Variants in ERCC2 observed in about 807,000 individuals in gnomAD.
ERCC2 encodes general transcription and DNA repair factor IIH helicase subunit XPD.
In ERCC2, 90 loss-of-function variants were observed where a neutral mutation model predicts 99.4. The observed-to-expected ratio is 0.91, with a 90% CI of 0.76 to 1.08. The LOEUF is 1.08. Ranked by LOEUF, ERCC2 falls within the 50% of genes least tolerant of loss-of-function variation. The probability of loss-of-function intolerance (pLI) is 0.00; values close to 1 mark genes in which losing one functional copy is unlikely to be tolerated. For missense variants in ERCC2, 993 were observed against 1,038.1 expected (o/e 0.96, Z 0.60); for synonymous variants, 497 against 432.4 (o/e 1.15, Z -1.85).
chr19:45,369,881 G>A (rs1031266304), intron 2 of ERCC2, among the ~76,000 whole-genome samples: 1 of 152,142 alleles, frequency 6.6e-6, no homozygotes, highest in Non-Finnish European at 1.5e-5. Context: ...TCACCGTGTT[G>A]GCCAGGCTGG....
rs1210647441 is a variant in ERCC2 at position 45,364,127 on chromosome 19, G to C, written c.816-8C>G. ...TCGTCTGTCTCTTTGATCCTGCGGA[G>C]AGATGAGCTGGGGCTGGGAGGGGGC... On this transcript the variant is annotated splice_region_variant and splice_polypyrimidine_tract_variant and intron_variant, in intron 9 of 22. Coordinates refer to ENST00000391945, the MANE Select transcript of ERCC2 (RefSeq NM_000400.4). 5 of 1,611,628 alleles carry C rather than the reference G, an allele frequency of 3.1e-6. No individual in the cohort carries two copies. Among genetic ancestry groups the C allele is most frequent in the Non-Finnish European group, 4.2e-6 (5 of 1,179,362 alleles).
At position 45,350,824 on chromosome 19, in the gene ERCC2, G is replaced by A. The variant is rs1599718658; in HGVS notation, c.*805C>T. 1 of 1,039,254 alleles carries A rather than the reference G, an allele frequency of 9.6e-7. No individual in the cohort carries two copies. Among genetic ancestry groups the A allele is most frequent in the Non-Finnish European group, 1.4e-6 (1 of 728,602 alleles). 64.4% of individuals were successfully genotyped at this position (1,039,254 alleles called of 1,614,324 possible). On this transcript the variant is annotated 3_prime_UTR_variant, in exon 23 of 23. Transcript: ENST00000391945. The stretch of plus-strand genomic sequence containing the variant: ...CCCACCCCACCCCCACCCCCATCTT[G>A]CTCAAGAACCTTCCATGGCTCCCAT...
rs371604056 is a variant in ERCC2 at position 45,351,280 on chromosome 19, C to T, written c.*349G>A. On this transcript the variant is annotated 3_prime_UTR_variant, in exon 23 of 23. Transcript: ENST00000391945. ...CCCTCCAACCATCCCCTGTGCCTGT[C>T]TCCAGTTTCCCAGCTGGCACCTGGA... The T allele has an allele frequency of 1.2e-6, 2 of 1,612,340 alleles. No individual in the cohort carries two copies. The highest frequency in any genetic ancestry group is 2.7e-5 in the African/African-American group (2 of 74,902).
chr19:45,369,815 A>C (rs1032890005), intron 2 of ERCC2, among the ~76,000 whole-genome samples: 3 of 152,042 alleles, frequency 2.0e-5, no homozygotes, highest in Non-Finnish European at 2.9e-5. Context: ...AGGTGGGATT[A>C]CAGGCGCCCG....
At chr19:45,360,134 G>A (rs969930370) in intron 12 of ERCC2, among the ~76,000 whole-genome samples, 9 of 149,578 alleles carry the variant, frequency 6.0e-5, no homozygotes, top group Admixed American at 5.3e-4. Context: ...AGGCTGGAGT[G>A]CAGTGGCACG....
chr19:45,368,845 G>A (rs3916798), intron 4 of ERCC2, 85 bp downstream of exon 4: 51 of 1,576,192 alleles, frequency 3.2e-5, no homozygotes, highest in African/African-American at 6.7e-5. Flanking sequence ...AAACACCCCC[G>A]AAAGCTGGTG....
chr19:45,359,285 T>G (rs974038478), intron 12 of ERCC2, among the ~76,000 whole-genome samples: 11 of 151,950 alleles, frequency 7.2e-5, no homozygotes, highest in African/African-American at 2.4e-4. Context: ...TGGGAAATAG[T>G]GGGTAGAGAA....
chr19:45,351,611 T>TGGCCCCACC lies in ERCC2; in HGVS notation c.*9_*17dup. ...CTCAGGAGTCACCAGGAACCGTTTATGGCCCCACCCGCCCCACTCAGAGCT... is the reference window on the plus strand; with the variant it reads ...CTCAGGAGTCACCAGGAACCGTTTATGGCCCCACCGGCCCCACCCGCCCCACTCAGAGCT... On this transcript the variant is annotated 3_prime_UTR_variant, in exon 23 of 23. Transcript: ENST00000391945. 2 of 1,613,566 alleles carry TGGCCCCACC rather than the reference T, an allele frequency of 1.2e-6. No homozygotes were observed. The highest frequency in any genetic ancestry group is 1.7e-6 in the Non-Finnish European group (2 of 1,179,876).
At chr19:45,355,756 C>T (rs775842750) in intron 15 of ERCC2, 28 bp from the exon 16 acceptor site, 49 of 1,607,142 alleles carry the variant, frequency 3.0e-5, no homozygotes, top group Middle Eastern at 1.6e-4. Flanking sequence ...TCACGATAAG[C>T]GAGGCAGCAG....
chr19:45,370,384 C>T, intron 1 of ERCC2, 152 bp from the exon 2 acceptor site: 2 of 1,506,546 alleles, frequency 1.3e-6, no homozygotes, highest in Non-Finnish European at 1.8e-6. Context: ...CTCAGTGTCT[C>T]CTCGCTATCA....
intron 5 of ERCC2, 76 bp downstream of exon 5, chr19:45,368,554 A>T: frequency 1.1e-6 from 1 of 941,424 alleles, no homozygotes; most frequent in Non-Finnish European, 1.7e-6. Context: ...TGGCCTGGGG[A>T]TCCAGGACTT....
intron 19 of ERCC2, 23 bp from the exon 20 acceptor site, chr19:45,352,839 C>CG: frequency 6.2e-7 from 1 of 1,609,032 alleles, no homozygotes; most frequent in Non-Finnish European, 8.5e-7. Context: ...GGAGAGGGGG[C>CG]GAGGGGGGTT....
intron 12 of ERCC2, chr19:45,358,959 T>G: frequency 1.3e-6 from 1 of 744,556 alleles, no homozygotes; most frequent in South Asian, 1.4e-5. Context: ...CATATTCGGT[T>G]TCACACAGTG....
intron 12 of ERCC2, 21 bp from the exon 13 acceptor site, chr19:45,357,720 G>A (rs776415542): frequency 3.1e-6 from 5 of 1,610,674 alleles, no homozygotes; most frequent in South Asian, 1.1e-5. Flanking sequence ...CAGGCAAGGA[G>A]GGGTGAGATT....
At chr19:45,360,166 T>A (rs952416535) in intron 12 of ERCC2, among the ~76,000 whole-genome samples, 3 of 151,176 alleles carry the variant, frequency 2.0e-5, no homozygotes, top group South Asian at 2.1e-4. Flanking sequence ...CTGCAAGCTC[T>A]GCCTCCTGGG....
intron 5 of ERCC2, among the ~76,000 whole-genome samples, chr19:45,367,627 C>T (rs562426847): frequency 6.9e-4 from 105 of 151,288 alleles, no homozygotes; most frequent in African/African-American, 2.5e-3. Context: ...GAGCAATTCT[C>T]CTGTCTCAGC....
chr19:45,370,122 C>G lies in ERCC2; in HGVS notation c.105+11G>C. 3.7e-6 allele frequency: 6 copies of G among 1,612,290 alleles called. No individual in the cohort carries two copies. Among genetic ancestry groups the G allele is most frequent in the Non-Finnish European group, 4.2e-6 (5 of 1,178,824 alleles). On this transcript the variant is annotated intron_variant, in intron 2 of 22. Coordinates refer to ENST00000391945, the MANE Select transcript of ERCC2 (RefSeq NM_000400.4). ...GGTCGAGTGGGCGGGTCGGGCCCAC[C>G]GGCCACCCACCTTGGCGTCCAGCGT...
intron 11 of ERCC2, 148 bp downstream of exon 11, chr19:45,363,595 G>T: frequency 1.1e-6 from 1 of 951,564 alleles, no homozygotes; most frequent in Non-Finnish European, 1.5e-6. Flanking sequence ...GACCTCCCAG[G>T]TCAGACCAGA....
At chr19:45,369,568 A>G (rs889970049) in intron 2 of ERCC2, among the ~76,000 whole-genome samples, 3 of 152,088 alleles carry the variant, frequency 2.0e-5, no homozygotes, top group African/African-American at 7.2e-5. Flanking sequence ...AAAAATAAAT[A>G]AATAAAATAA....
Sources: allele counts gnomAD v4.1 joint callset (sites outside exome capture counted in the v4.1 genomes callset), GRCh38; gene constraint gnomAD v4.1.1; transcripts MANE v1.5; gene names NCBI Gene and HGNC (gene_info 2026-07-23, HGNC 2026-07-21).